ZNF469: variants seen among roughly 807,000 people sequenced by gnomAD.
The protein encoded by ZNF469 is zinc finger protein 469.
ZNF469 carries 1 observed loss-of-function variant against 1.0 expected under a neutral mutation model. That is an observed-to-expected ratio of 1.00 (90% CI 0.35 to 4.73). ZNF469 has a LOEUF of 4.73. Ranked by LOEUF, ZNF469 falls within the 30% of genes most tolerant of loss-of-function variation. The pLI, the probability that ZNF469 is intolerant of heterozygous loss-of-function variation, is 0.16. For missense variants in ZNF469, 6,100 were observed against 5,356.3 expected (o/e 1.14, Z -4.33); for synonymous variants, 2,703 against 2,363.4 (o/e 1.14, Z -4.17).
the ZNF469 span, among the ~76,000 whole-genome samples, chr16:88,353,017 G>C: frequency 2.0e-5 from 3 of 152,176 alleles, no homozygotes; most frequent in Admixed American, 6.5e-5. Flanking sequence ...GGGCGCCCAG[G>C]CAGGCCCCGG....
the ZNF469 span, among the ~76,000 whole-genome samples, chr16:88,111,744 C>T: frequency 6.6e-6 from 1 of 152,174 alleles, no homozygotes; most frequent in African/African-American, 2.4e-5. Flanking sequence ...TCAAGCGATC[C>T]TCCTGCTTCA....
the ZNF469 span, among the ~76,000 whole-genome samples, chr16:88,183,946 G>C: frequency 4.6e-5 from 7 of 152,114 alleles, no homozygotes; most frequent in African/African-American, 1.7e-4. Flanking sequence ...AGAGCCACTC[G>C]CGTCTTCCTG....
At chr16:88,288,849 GGA>G in the ZNF469 span, among the ~76,000 whole-genome samples, 65,867 of 151,024 alleles carry the variant, frequency 0.44, 15,624 homozygotes, top group African/African-American at 0.65. Context: ...GAGTTTCACA[GGA>G]GAGAGAGAGA....
chr16:88,182,641 A>G, the ZNF469 span, among the ~76,000 whole-genome samples: 2 of 152,110 alleles, frequency 1.3e-5, no homozygotes, highest in Non-Finnish European at 2.9e-5. Context: ...TGATGGGATA[A>G]AGATACTCTT....
At chr16:88,409,875 G>T (rs898397275) in intron 1 of ZNF469, among the ~76,000 whole-genome samples, 4 of 115,198 alleles carry the variant, frequency 3.5e-5, no homozygotes, top group East Asian at 5.2e-4. Flanking sequence ...CCGGGGGGGG[G>T]GGGGGGGGGC....
the ZNF469 span, among the ~76,000 whole-genome samples, chr16:88,330,309 C>T: frequency 6.6e-6 from 1 of 152,214 alleles, no homozygotes; most frequent in East Asian, 1.9e-4. Context: ...AGCATTTCTG[C>T]TGTGTGTACT....
the ZNF469 span, among the ~76,000 whole-genome samples, chr16:88,326,699 G>A: frequency 6.6e-6 from 1 of 152,120 alleles, no homozygotes; most frequent in Non-Finnish European, 1.5e-5. Context: ...TAACGTCACT[G>A]ACTCATGGGA....
the ZNF469 span, among the ~76,000 whole-genome samples, chr16:88,220,889 T>C: frequency 1.3e-5 from 2 of 152,200 alleles, no homozygotes; most frequent in Non-Finnish European, 2.9e-5. Flanking sequence ...TGGCTCCCAC[T>C]TGCCACTTGC....
chr16:88,216,090 T>C, the ZNF469 span, among the ~76,000 whole-genome samples: 1 of 152,172 alleles, frequency 6.6e-6, no homozygotes, highest in Non-Finnish European at 1.5e-5. Flanking sequence ...GACAACAAAG[T>C]CTCTCAGTTT....
chr16:88,389,186 C>T (rs751015013), intron 1 of ZNF469, among the ~76,000 whole-genome samples: 1 of 152,252 alleles, frequency 6.6e-6, no homozygotes, highest in Non-Finnish European at 1.5e-5. Context: ...TCCCCTCTCC[C>T]AGCCCTCGGC....
chr16:88,391,637 G>T (rs905523927), intron 1 of ZNF469, among the ~76,000 whole-genome samples: 3 of 152,228 alleles, frequency 2.0e-5, no homozygotes, highest in Admixed American at 2.0e-4. Context: ...GGACAGGTGG[G>T]GCCGGGGGAC....
intron 1 of ZNF469, among the ~76,000 whole-genome samples, chr16:88,388,662 C>T (rs936577000): frequency 1.3e-5 from 2 of 152,256 alleles, no homozygotes; most frequent in Non-Finnish European, 2.9e-5. Flanking sequence ...ACCCGGGTCT[C>T]CATACTGGAG....
At chr16:88,147,785 C>T in the ZNF469 span, among the ~76,000 whole-genome samples, 1 of 152,170 alleles carries the variant, frequency 6.6e-6, no homozygotes, top group Admixed American at 6.5e-5. Context: ...TTCCTGCCCT[C>T]CACAGCCCAC....
the ZNF469 span, among the ~76,000 whole-genome samples, chr16:88,323,797 C>T: frequency 2.0e-5 from 3 of 152,192 alleles, no homozygotes; most frequent in Non-Finnish European, 4.4e-5. Flanking sequence ...TGCCAGACCG[C>T]AGCTGTGCAG....
chr16:88,334,219 T>A, the ZNF469 span, among the ~76,000 whole-genome samples: 1 of 152,140 alleles, frequency 6.6e-6, no homozygotes, highest in African/African-American at 2.4e-5. Context: ...AGTTAAGAAA[T>A]TTTTCAGGTT....
chr16:88,436,190 G>C lies in ZNF469; in HGVS notation c.8720G>C (p.Arg2907Pro), dbSNP rs756344990. ...GGTGACCCCACGCTGGGCCCAGCCC[G>C]CCTGCCCACGGACCTCAGCGACTCC... is the stretch of plus-strand genomic sequence containing the variant. ...EGGDPTLGPA[R>P]LPTDLSDSSS... The change falls in exon 3 of 3, where the codon CGC (arginine) becomes CCC (proline). Residue 2907 changes from arginine (R) to proline (P), a missense_variant. By Grantham distance (103) the Arg-to-Pro change is moderately radical (BLOSUM62 -2). Transcript: ENST00000565624. 6.7e-5 allele frequency: 104 copies of C among 1,547,642 alleles called. No individual in the cohort carries two copies. In the South Asian group the frequency reaches 8.5e-4, roughly 13 times the overall value.
At chr16:88,302,786 T>C in the ZNF469 span, among the ~76,000 whole-genome samples, 1 of 152,110 alleles carries the variant, frequency 6.6e-6, no homozygotes. Flanking sequence ...GAACCTCAGG[T>C]GTCTACCCTC....
chr16:88,438,101 C>T lies in ZNF469; in HGVS notation c.10631C>T (p.Pro3544Leu), dbSNP rs1335096649. ...CACCCGATCAGAGGTTGTGAGCTGC[C>T]ATCCAACCACCAGGAGTGTCCCCCG... is the stretch of plus-strand genomic sequence containing the variant. ...VTHPIRGCEL[P>L]SNHQECPPPS... is the part of the protein sequence containing the mutation. The change falls in exon 3 of 3, where the codon CCA becomes CTA. Residue 3544 changes from proline (P) to leucine (L), a missense_variant. Coordinates refer to ENST00000565624, the MANE Select transcript of ZNF469 (RefSeq NM_001367624.2). 3.2e-6 allele frequency: 5 copies of T among 1,550,412 alleles called. No individual in the cohort carries two copies. The highest frequency in any genetic ancestry group is 4.4e-6 in the Non-Finnish European group (5 of 1,146,960).
the ZNF469 span, among the ~76,000 whole-genome samples, chr16:88,292,419 C>T: frequency 6.6e-6 from 1 of 152,192 alleles, no homozygotes; most frequent in Non-Finnish European, 1.5e-5. Flanking sequence ...TATAGGCCTC[C>T]ACCCTCCCAT....
Sources: gnomAD v4.1 joint callset for allele counts (sites outside exome capture counted in the v4.1 genomes callset) on GRCh38, gnomAD v4.1.1 for gene constraint, MANE v1.5 for transcripts, NCBI Gene and HGNC (gene_info 2026-07-23, HGNC 2026-07-21) for gene names.